CCDC15: variants seen among roughly 807,000 people sequenced by gnomAD.
CCDC15 encodes the protein coiled-coil domain-containing protein 15.
A neutral mutation model predicts 114.5 loss-of-function variants in CCDC15; 105 were observed. That is an observed-to-expected ratio of 0.92 (90% CI 0.78 to 1.08). The LOEUF is 1.08. CCDC15 is among the 50% of genes least tolerant of loss of function. The pLI, the probability that CCDC15 is intolerant of heterozygous loss-of-function variation, is 0.00. For missense variants in CCDC15, 1,105 were observed against 1,093.6 expected, an observed-to-expected ratio of 1.01 and a Z score of -0.15; for synonymous variants, 334 against 377.8, an observed-to-expected ratio of 0.88 and a Z score of 1.34.
intron 13 of CCDC15, among the ~76,000 whole-genome samples, chr11:125,007,513 A>G (rs1315858682): frequency 1.3e-5 from 2 of 152,212 alleles, no homozygotes; most frequent in African/African-American, 4.8e-5. Context: ...TATCTTGACA[A>G]TTGTGAATGG....
Position 124,998,779 on chromosome 11 carries a change from C to T in CCDC15, c.2215-5088C>T, listed in dbSNP as rs532050560. 2.2e-4 allele frequency among the ~76,000 whole-genome samples: 32 copies of T among 148,494 alleles called. 1 individual carries two copies. The South Asian group carries it at 6.4e-3, about 30-fold the overall frequency. On this transcript the variant is annotated intron_variant, in intron 11 of 15. Transcript: ENST00000344762. The stretch of plus-strand genomic sequence containing the variant: ...TGGAGACAGAGTCTCACTCTGTCGC[C>T]TAGGCAGGAGTGCAGTGGTGTGATC...
intron 13 of CCDC15, among the ~76,000 whole-genome samples, chr11:125,024,028 A>G (rs1948678983): frequency 6.6e-6 from 1 of 152,022 alleles, no homozygotes; most frequent in Non-Finnish European, 1.5e-5. Flanking sequence ...AAATGTTCTC[A>G]AATCACATTA....
chr11:124,987,510 C>G lies in CCDC15; in HGVS notation c.1284C>G (p.Leu428=). The G allele has an allele frequency of 6.2e-7, 1 of 1,614,030 alleles. No individual in the cohort carries two copies. Among genetic ancestry groups the G allele is most frequent in the South Asian group, 1.1e-5 (1 of 91,076 alleles). Residue 428 remains leucine, a synonymous_variant, in exon 8 of 16, where the codon CTC becomes CTG. Coordinates refer to ENST00000344762, the MANE Select transcript of CCDC15 (RefSeq NM_025004.3). ...TAACGAAAAACCAGGATGTTTTACT[C>G]AAAGACCACTGTGTTCTCCCTAAAG... ...ALLTKNQDVL[L]KDHCVLPKDQ... is the part of the protein sequence containing the mutation.
At chr11:124,966,818 C>T (rs979290543) in intron 4 of CCDC15, among the ~76,000 whole-genome samples, 23 of 152,120 alleles carry the variant, frequency 1.5e-4, no homozygotes, top group Admixed American at 3.9e-4. Context: ...CCTTCAGGAG[C>T]TCTTGTAAGG....
intron 4 of CCDC15, among the ~76,000 whole-genome samples, chr11:124,969,112 C>T (rs986812747): frequency 6.6e-6 from 1 of 152,024 alleles, no homozygotes; most frequent in Non-Finnish European, 1.5e-5. Context: ...CTTCTGAATA[C>T]TATTTTGTTT....
intron 13 of CCDC15, among the ~76,000 whole-genome samples, chr11:125,025,037 T>TATATATATGA (rs1948686860): frequency 9.1e-6 from 1 of 110,176 alleles, no homozygotes; most frequent in African/African-American, 3.7e-5. Flanking sequence ...TATATATGAA[T>TATATATATGA]ACATATGAAT....
At chr11:124,992,782 T>C (rs1948293890) in intron 10 of CCDC15, 95 bp downstream of exon 10, 2 of 692,052 alleles carry the variant, frequency 2.9e-6, no homozygotes, top group South Asian at 4.2e-5. Context: ...TCAAGCTAGC[T>C]TGTTTGTGGA....
chr11:125,003,624 T>G (rs1355299367), intron 11 of CCDC15, among the ~76,000 whole-genome samples: 5 of 152,062 alleles, frequency 3.3e-5, no homozygotes, highest in Non-Finnish European at 1.5e-5. Flanking sequence ...TAATTTTTTG[T>G]TTATTCATGT....
At chr11:125,014,313 G>C (rs868119396) in intron 13 of CCDC15, among the ~76,000 whole-genome samples, 1 of 152,050 alleles carries the variant, frequency 6.6e-6, no homozygotes, top group African/African-American at 2.4e-5. Context: ...TCTGGTTATG[G>C]ATAACATAAT....
At chr11:124,964,811 C>T (rs1015015282) in intron 4 of CCDC15, among the ~76,000 whole-genome samples, 1 of 151,948 alleles carries the variant, frequency 6.6e-6, no homozygotes, top group Non-Finnish European at 1.5e-5. Context: ...TTGAGATATG[C>T]CCCATCAATA....
rs1003038818 is a variant in CCDC15, at chr11:124,966,470, T to G, written c.516+6467T>G. Among the ~76,000 whole-genome samples the G allele has an allele frequency of 1.2e-4, 17 of 143,236 alleles. 1 individual carries two copies. The highest frequency in any genetic ancestry group is 8.9e-4 in the South Asian group (4 of 4,512). 94.0% of individuals were successfully genotyped at this position (143,236 alleles called of 152,430 possible). On this transcript the variant is annotated intron_variant, in intron 4 of 15. Transcript: ENST00000344762. ...CTAGGATTGCAACCCCTGCTTTTTTTTTTTGTTTGTTTTCCATTTGCTTGG... is the reference window on the plus strand; with the variant it reads ...CTAGGATTGCAACCCCTGCTTTTTTGTTTTGTTTGTTTTCCATTTGCTTGG...
At chr11:125,011,575 A>G (rs1045027330) in intron 13 of CCDC15, among the ~76,000 whole-genome samples, 5 of 152,230 alleles carry the variant, frequency 3.3e-5, no homozygotes, top group Non-Finnish European at 5.9e-5. Flanking sequence ...TAAAAAAACA[A>G]TGACTGCTGG....
At chr11:125,028,057 T>G (rs73022311) in intron 13 of CCDC15, among the ~76,000 whole-genome samples, 5,987 of 152,250 alleles carry the variant, frequency 0.039, 142 homozygotes, top group Middle Eastern at 0.092. Context: ...GTATTTGACT[T>G]TATTTCTAGG....
In CCDC15 at chr11:124,986,325, A is replaced by G. The variant is rs985642714; in HGVS notation, c.754-417A>G. On this transcript the variant is annotated intron_variant, in intron 6 of 15. Coordinates refer to ENST00000344762, the MANE Select transcript of CCDC15 (RefSeq NM_025004.3). The stretch of plus-strand genomic sequence containing the variant: ...TTCTTTTTCAAGAAAGTGTTTTGCT[A>G]CTATGGGTTCCTTGCATTTCCATCT... Among the ~76,000 whole-genome samples, 4 of 152,186 alleles carry G rather than the reference A, an allele frequency of 2.6e-5. No individual in the cohort carries two copies. In the East Asian group the frequency reaches 7.7e-4, roughly 29 times the overall value.
intron 9 of CCDC15, among the ~76,000 whole-genome samples, chr11:124,992,135 A>G (rs1948281255): frequency 1.3e-5 from 2 of 152,114 alleles, no homozygotes; most frequent in African/African-American, 2.4e-5. Flanking sequence ...TTTCTCTTCT[A>G]CTTTGTACTT....
At position 124,986,708 on chromosome 11, in the gene CCDC15, CGCGCGT is replaced by C. The variant is rs749273998; in HGVS notation, c.754-27_754-22del. ...GTGTGTGTTTGTGTGTGTGCGCGCG[CGCGCGT>C]GCGCGTTTTCATTGTTTTTTTCTTT... On this transcript the variant is annotated intron_variant, in intron 6 of 15. Coordinates refer to ENST00000344762, the MANE Select transcript of CCDC15 (RefSeq NM_025004.3). 172 of 1,401,652 alleles carry C rather than the reference CGCGCGT, an allele frequency of 1.2e-4. 3 individuals are homozygous for C. The highest frequency in any genetic ancestry group is 8.9e-4 in the African/African-American group (52 of 58,186). The allele number at this position is 1,401,652 out of a possible 1,614,324, so 86.8% of individuals were successfully genotyped here.
chr11:125,016,042 A>G (rs1948627355), intron 13 of CCDC15, among the ~76,000 whole-genome samples: 1 of 152,164 alleles, frequency 6.6e-6, no homozygotes. Flanking sequence ...ATGTTAAAGA[A>G]TTGTCTTTGG....
Position 124,991,481 on chromosome 11 carries a change from A to G in CCDC15, c.1929A>G (p.Pro643=), listed in dbSNP as rs61752520. The part of the protein sequence containing the change: ...PKYQKVHFKE[P]YSDMTDEKGR... The stretch of plus-strand genomic sequence containing the variant: ...TTTAGAAAGTACACTTTAAGGAGCC[A>G]TACTCTGATATGACAGATGAGAAAG... Residue 643 remains proline (P), a synonymous_variant, in exon 9 of 16, where the codon CCA becomes CCG. Transcript: ENST00000344762. 52,902 of 1,588,220 alleles carry G rather than the reference A, an allele frequency of 0.033. 1,003 individuals carry two copies. Among genetic ancestry groups the G allele is most frequent in the Non-Finnish European group, 0.04 (46,348 of 1,159,356 alleles).
At chr11:125,017,538 A>G (rs908624592) in intron 13 of CCDC15, among the ~76,000 whole-genome samples, 2 of 152,162 alleles carry the variant, frequency 1.3e-5, no homozygotes, top group African/African-American at 4.8e-5. Context: ...AGTATAGCAC[A>G]TACAGTTATG....
Sources: gnomAD v4.1 joint callset for allele counts (sites outside exome capture counted in the v4.1 genomes callset) on GRCh38, gnomAD v4.1.1 for gene constraint, MANE v1.5 for transcripts, NCBI Gene and HGNC (gene_info 2026-07-23, HGNC 2026-07-21) for gene names.